CORIN: variants seen among roughly 807,000 people sequenced by gnomAD.
CORIN encodes the protein corin, serine peptidase, also known as atrial natriuretic peptide-converting enzyme.
Under a neutral mutation model 125.3 loss-of-function variants are expected in CORIN, and 117 were observed. The ratio of observed to expected loss-of-function variants is 0.93; its 90% CI spans 0.80 to 1.09. The LOEUF (loss-of-function observed/expected upper bound fraction) is 1.09, where lower values mean the gene tolerates loss of function less well. Ranked by LOEUF, CORIN falls within the 50% of genes least tolerant of loss-of-function variation. The probability of loss-of-function intolerance (pLI) is 0.00; values close to 1 mark genes in which losing one functional copy is unlikely to be tolerated. For missense variants in CORIN, 1,253 were observed against 1,306.7 expected (o/e 0.96, Z 0.63); for synonymous variants, 450 against 466.4 (o/e 0.96, Z 0.45).
At chr4:47,808,413 GTTC>G (rs1731893940) in intron 1 of CORIN, among the ~76,000 whole-genome samples, 1 of 152,170 alleles carries the variant, frequency 6.6e-6, no homozygotes, top group African/African-American at 2.4e-5. Context: ...ATTTTGAAGG[GTTC>G]TTCTGAATTG....
intron 19 of CORIN, among the ~76,000 whole-genome samples, chr4:47,620,962 A>G (rs971189558): frequency 2.6e-5 from 4 of 152,258 alleles, no homozygotes; most frequent in African/African-American, 9.6e-5. Context: ...GAAACTAATC[A>G]GATCAAATGA....
intron 3 of CORIN, among the ~76,000 whole-genome samples, chr4:47,779,667 C>A (rs1040517582): frequency 6.6e-6 from 1 of 152,052 alleles, no homozygotes; most frequent in Non-Finnish European, 1.5e-5. Flanking sequence ...AACTCTTGAC[C>A]TCAGGTGATC....
At chr4:47,824,117 T>A (rs771888096) in intron 1 of CORIN, among the ~76,000 whole-genome samples, 20 of 109,116 alleles carry the variant, frequency 1.8e-4, no homozygotes, top group African/African-American at 8.4e-5. Context: ...ATGCTATTCC[T>A]TTTTTTTTTT....
rs1728689438 is a variant in CORIN at position 47,746,869 on chromosome 4, C to A, written c.618-2286G>T. Among the ~76,000 whole-genome samples, 3 of 152,236 alleles carry A rather than the reference C, an allele frequency of 2.0e-5. No homozygotes were observed. In the South Asian group the frequency reaches 6.2e-4, roughly 32 times the overall value. On this transcript the variant is annotated intron_variant, in intron 4 of 21. Coordinates refer to ENST00000273857, the MANE Select transcript of CORIN (RefSeq NM_006587.4). ...ATCTTGATATGCACTTTGTGAGTGG[C>A]ACCATCATATACGTGATGGGTGAGA...
chr4:47,814,381 A>G (rs887699683), intron 1 of CORIN, among the ~76,000 whole-genome samples: 1 of 152,126 alleles, frequency 6.6e-6, no homozygotes, highest in Non-Finnish European at 1.5e-5. Flanking sequence ...TTCTTTTTTC[A>G]GTCATAGAGA....
At chr4:47,745,617 G>A (rs763461966) in intron 4 of CORIN, among the ~76,000 whole-genome samples, 4 of 152,178 alleles carry the variant, frequency 2.6e-5, no homozygotes, top group Non-Finnish European at 2.9e-5. Context: ...ATAGAATCCT[G>A]GTGTTTCAAG....
chr4:47,682,679 T>C (rs1483143840), intron 7 of CORIN: 9 of 152,174 alleles, frequency 5.9e-5, no homozygotes, highest in African/African-American at 9.7e-5. Flanking sequence ...GATTTGATCA[T>C]TACATATTGT....
intron 5 of CORIN, among the ~76,000 whole-genome samples, chr4:47,718,977 C>T (rs1408828502): frequency 1.3e-5 from 2 of 152,106 alleles, no homozygotes; most frequent in Admixed American, 6.5e-5. Context: ...TTGCTTTGCA[C>T]TTCACATGCC....
chr4:47,718,906 T>C (rs532375285), intron 5 of CORIN, among the ~76,000 whole-genome samples: 2 of 152,362 alleles, frequency 1.3e-5, no homozygotes, highest in East Asian at 1.9e-4. Context: ...TCATCAGAAC[T>C]GCTTTTGCAA....
At chr4:47,753,647 C>T (rs917154829) in intron 4 of CORIN, among the ~76,000 whole-genome samples, 3 of 152,258 alleles carry the variant, frequency 2.0e-5, no homozygotes, top group Admixed American at 2.0e-4. Flanking sequence ...CGTTTATAGG[C>T]TCTCTGCAAG....
At position 47,788,861 on chromosome 4, in the gene CORIN, G is replaced by GGGA. The variant is rs200796551; in HGVS notation, c.209-1937_209-1936insTCC. Among the ~76,000 whole-genome samples the GGGA allele has an allele frequency of 7.2e-3, 1,097 of 152,260 alleles. 11 individuals carry two copies. The highest frequency in any genetic ancestry group is 0.012 in the Non-Finnish European group (783 of 68,016). On this transcript the variant is annotated intron_variant, in intron 2 of 21. Coordinates refer to ENST00000273857, the MANE Select transcript of CORIN (RefSeq NM_006587.4). ...GCCAATTGTTCACGGTTGTACCCTG[G>GGGA]AGTAATTCCCTTAAAATTAGTTCCT...
At chr4:47,808,094 G>A (rs1052081528) in intron 1 of CORIN, among the ~76,000 whole-genome samples, 1 of 152,032 alleles carries the variant, frequency 6.6e-6, no homozygotes, top group Non-Finnish European at 1.5e-5. Context: ...AAATTAAGAC[G>A]AACCTTCTCT....
At chr4:47,775,788 G>C (rs1730270714) in intron 3 of CORIN, among the ~76,000 whole-genome samples, 1 of 152,164 alleles carries the variant, frequency 6.6e-6, no homozygotes, top group South Asian at 2.1e-4. Flanking sequence ...GATTGGCTGT[G>C]ATATGACTGG....
At chr4:47,775,410 A>G (rs536986817) in intron 3 of CORIN, among the ~76,000 whole-genome samples, 1 of 151,356 alleles carries the variant, frequency 6.6e-6, no homozygotes, top group African/African-American at 2.4e-5. Flanking sequence ...GATGTTCCCC[A>G]TCCTGTGTCC....
chr4:47,694,138 T>C (rs944410071), intron 5 of CORIN, among the ~76,000 whole-genome samples: 6 of 152,190 alleles, frequency 3.9e-5, no homozygotes, highest in African/African-American at 1.4e-4. Flanking sequence ...TTACAGCCAT[T>C]GAAAACTACA....
In CORIN at chr4:47,603,443, A is replaced by G; in HGVS notation, c.2766T>C (p.Pro922=). The G allele has an allele frequency of 6.2e-7, 1 of 1,614,212 alleles. No homozygotes were observed. The highest frequency in any genetic ancestry group is 8.5e-7 in the Non-Finnish European group (1 of 1,180,042). The change falls in exon 20 of 22, where the codon CCT becomes CCC. Residue 922 remains proline (P), a synonymous_variant. Transcript: ENST00000273857. ...CLPNPEQWLE[P]DTYCYITGWG... ...AGCCTGTGATATAGCAGTACGTGTC[A>G]GGCTCTAGCCACTGCTCCGGGTTGG...
chr4:47,769,799 A>C (rs1729935550), intron 3 of CORIN, among the ~76,000 whole-genome samples: 1 of 152,010 alleles, frequency 6.6e-6, no homozygotes, highest in Non-Finnish European at 1.5e-5. Context: ...GTGTTGAAAA[A>C]ACTGGATATA....
At chr4:47,637,334 G>A (rs953506688) in intron 16 of CORIN, among the ~76,000 whole-genome samples, 10 of 152,226 alleles carry the variant, frequency 6.6e-5, no homozygotes, top group African/African-American at 2.4e-5. Context: ...ATTTTCTGAG[G>A]AGAAATTCAA....
intron 1 of CORIN, among the ~76,000 whole-genome samples, chr4:47,824,483 T>G (rs908944393): frequency 1.3e-5 from 2 of 152,104 alleles, no homozygotes; most frequent in Admixed American, 1.3e-4. Context: ...AAAGCTTTTC[T>G]TTCTTTCTTT....
Sources: gnomAD v4.1 joint callset for allele counts (sites outside exome capture counted in the v4.1 genomes callset) on GRCh38, gnomAD v4.1.1 for gene constraint, MANE v1.5 for transcripts, NCBI Gene and HGNC (gene_info 2026-07-23, HGNC 2026-07-21) for gene names.